Variants in FAM168A observed in about 807,000 individuals in gnomAD.
FAM168A encodes the protein family with sequence similarity 168 member A.
A neutral mutation model predicts 28.5 loss-of-function variants in FAM168A; 3 were observed. That is an observed-to-expected ratio of 0.11 (90% CI 0.05 to 0.27). FAM168A has a LOEUF of 0.27. Among genes scored for constraint, FAM168A ranks in the 10% least tolerant of loss-of-function variants. The pLI, the probability that FAM168A is intolerant of heterozygous loss-of-function variation, is 1.00. For missense variants in FAM168A, 222 were observed against 311.5 expected (o/e 0.71, Z 2.16); for synonymous variants, 122 against 124.2 (o/e 0.98, Z 0.12).
chr11:73,555,781 TA>T (rs1456398895), intron 1 of FAM168A, among the ~76,000 whole-genome samples: 4 of 151,968 alleles, frequency 2.6e-5, no homozygotes, highest in Non-Finnish European at 5.9e-5. Flanking sequence ...ATACCTGGCC[TA>T]ATCATAAACT....
chr11:73,408,794 A>C (rs1037191016), intron 6 of FAM168A, among the ~76,000 whole-genome samples: 68 of 152,112 alleles, frequency 4.5e-4, no homozygotes, highest in Admixed American at 3.3e-4. Flanking sequence ...AAAAAAAAAA[A>C]AAAACCTAAC....
chr11:73,453,176 C>T (rs536000440), intron 2 of FAM168A, among the ~76,000 whole-genome samples: 28 of 152,326 alleles, frequency 1.8e-4, no homozygotes, highest in African/African-American at 6.3e-4. Flanking sequence ...TTCCAAAACA[C>T]GGTGTATGGC....
At chr11:73,455,561 T>A (rs1323809018) in intron 2 of FAM168A, among the ~76,000 whole-genome samples, 1 of 152,232 alleles carries the variant, frequency 6.6e-6, no homozygotes, top group Non-Finnish European at 1.5e-5. Flanking sequence ...TCTGTCTTCT[T>A]ATACTTCTGT....
At chr11:73,542,706 A>G (rs963995489) in intron 1 of FAM168A, among the ~76,000 whole-genome samples, 1 of 152,182 alleles carries the variant, frequency 6.6e-6, no homozygotes, top group Admixed American at 6.5e-5. Flanking sequence ...GGTCATTACC[A>G]TGACTTACCA....
intron 1 of FAM168A, among the ~76,000 whole-genome samples, chr11:73,595,306 CA>C (rs1944430458): frequency 6.6e-6 from 1 of 151,996 alleles, no homozygotes; most frequent in Non-Finnish European, 1.5e-5. Flanking sequence ...ACTTTCAATT[CA>C]AAGGATAAGT....
intron 1 of FAM168A, among the ~76,000 whole-genome samples, chr11:73,544,564 C>A: frequency 6.7e-6 from 1 of 149,392 alleles, no homozygotes; most frequent in South Asian, 2.1e-4. Flanking sequence ...TAAAAGGTGG[C>A]ATATACATAT....
intron 2 of FAM168A, among the ~76,000 whole-genome samples, chr11:73,466,884 G>A (rs1307116407): frequency 1.3e-5 from 2 of 152,088 alleles, no homozygotes; most frequent in Non-Finnish European, 2.9e-5. Context: ...GCCACCAGGG[G>A]TAGGAGATAG....
intron 1 of FAM168A, among the ~76,000 whole-genome samples, chr11:73,576,626 ATC>A (rs1322132558): frequency 6.6e-6 from 1 of 152,120 alleles, no homozygotes; most frequent in African/African-American, 2.4e-5. Flanking sequence ...GAAATGGGGA[ATC>A]AACTGTTTTC....
intron 1 of FAM168A, among the ~76,000 whole-genome samples, chr11:73,535,931 A>G (rs1018228690): frequency 3.3e-5 from 5 of 149,764 alleles, no homozygotes; most frequent in African/African-American, 9.8e-5. Flanking sequence ...TGCAGCCCCA[A>G]CCTCCCTGGG....
At chr11:73,561,668 CTT>C (rs1170324852) in intron 1 of FAM168A, among the ~76,000 whole-genome samples, 1 of 152,098 alleles carries the variant, frequency 6.6e-6, no homozygotes, top group East Asian at 1.9e-4. Flanking sequence ...GCCATTCACT[CTT>C]TTTTTAAGCA....
chr11:73,461,323 G>A (rs1021445255), intron 2 of FAM168A, among the ~76,000 whole-genome samples: 1 of 152,036 alleles, frequency 6.6e-6, no homozygotes. Context: ...TCGCCATGTT[G>A]CTCAGGCTGG....
rs140985672 is a variant in FAM168A, at chr11:73,527,406, C to A, written c.-18-58914G>T. 4.0e-4 allele frequency among the ~76,000 whole-genome samples: 61 copies of A among 152,228 alleles called. 1 individual carries two copies. The highest frequency in any genetic ancestry group is 1.4e-3 in the African/African-American group (60 of 41,524). On this transcript the variant is annotated intron_variant, in intron 1 of 7. Transcript: ENST00000356467. Reference sequence around the variant, plus strand: ...CCTTTAATGATCTCTTTCTTTAGGTCTTCTAAAAACAATGGGTCATAATCA... The same window carrying A: ...CCTTTAATGATCTCTTTCTTTAGGTATTCTAAAAACAATGGGTCATAATCA...
chr11:73,596,699 C>T (rs550105019), intron 1 of FAM168A, among the ~76,000 whole-genome samples: 2 of 152,124 alleles, frequency 1.3e-5, no homozygotes, highest in East Asian at 3.9e-4. Flanking sequence ...GAGGCCACCC[C>T]AATCCTTCAC....
chr11:73,473,606 A>G (rs1337259883), intron 1 of FAM168A, among the ~76,000 whole-genome samples: 2 of 152,138 alleles, frequency 1.3e-5, no homozygotes, highest in African/African-American at 4.8e-5. Flanking sequence ...TGTTCCCTGA[A>G]GACACCATGC....
At chr11:73,478,901 G>C (rs1397916776) in intron 1 of FAM168A, among the ~76,000 whole-genome samples, 2 of 152,154 alleles carry the variant, frequency 1.3e-5, no homozygotes, top group East Asian at 3.8e-4. Context: ...GGGTGATGGG[G>C]GAGCAGGTGG....
At chr11:73,508,796 G>A (rs1855164897) in intron 1 of FAM168A, among the ~76,000 whole-genome samples, 1 of 152,118 alleles carries the variant, frequency 6.6e-6, no homozygotes, top group South Asian at 2.1e-4. Context: ...ACCAAAAAAG[G>A]GTAAGACAGA....
intron 1 of FAM168A, among the ~76,000 whole-genome samples, chr11:73,577,752 A>G (rs1184543524): frequency 6.6e-6 from 1 of 152,238 alleles, no homozygotes; most frequent in African/African-American, 2.4e-5. Flanking sequence ...CAGCTTGATC[A>G]CAATGCCAGA....
At chr11:73,445,215 C>T (rs1006219125) in intron 2 of FAM168A, among the ~76,000 whole-genome samples, 1 of 149,796 alleles carries the variant, frequency 6.7e-6, no homozygotes, top group Non-Finnish European at 1.5e-5. Context: ...GCCAAGATGG[C>T]GACATTGCAC....
intron 1 of FAM168A, among the ~76,000 whole-genome samples, chr11:73,479,643 T>C (rs570920063): frequency 5.3e-5 from 8 of 152,206 alleles, no homozygotes; most frequent in Non-Finnish European, 1.0e-4. Context: ...GGTAATTTTA[T>C]GATCCCACAG....
Sources: allele counts gnomAD v4.1 joint callset (sites outside exome capture counted in the v4.1 genomes callset), GRCh38; gene constraint gnomAD v4.1.1; transcripts MANE v1.5; gene names NCBI Gene and HGNC (gene_info 2026-07-23, HGNC 2026-07-21).